Variants in PWP1 observed in about 807,000 individuals in gnomAD.
PWP1 encodes the protein PWP1 homolog, endonuclein.
In PWP1, 47 loss-of-function variants were observed where a neutral mutation model predicts 69.9. The ratio of observed to expected loss-of-function variants is 0.67; its 90% CI spans 0.53 to 0.86. The LOEUF is 0.86. PWP1 is among the 40% of genes least tolerant of loss of function. PWP1 has a pLI of 0.00. For missense variants in PWP1, 551 were observed against 608.8 expected, an observed-to-expected ratio of 0.91 and a Z score of 1.00; for synonymous variants, 222 against 208.2, an observed-to-expected ratio of 1.07 and a Z score of -0.57.
intron 11 of PWP1, among the ~76,000 whole-genome samples, chr12:107,705,268 A>C (rs192467464): frequency 2.6e-5 from 4 of 152,292 alleles, no homozygotes; most frequent in Non-Finnish European, 1.5e-5. Context: ...ATTTCAGTAC[A>C]TGTAAAAAGA....
chr12:107,708,684 T>C (rs1889876894), intron 11 of PWP1, among the ~76,000 whole-genome samples: 1 of 152,186 alleles, frequency 6.6e-6, no homozygotes. Flanking sequence ...CTTCTACTGC[T>C]CTAGCCCCAT....
chr12:107,708,985 TAC>T lies in PWP1; in HGVS notation c.1140_1141del (p.Leu381Ter). 1 of 1,613,962 alleles carries T rather than the reference TAC, an allele frequency of 6.2e-7. No homozygotes were observed. The highest frequency in any genetic ancestry group is 8.5e-7 in the Non-Finnish European group (1 of 1,179,910). ...LDARSDKPIF[T>X]LNAHNDEISG... ...ATGCACGTTCAGATAAGCCAATTTTTACACTTAATGCACACAATGATGAAATC... is the reference window on the plus strand; with the variant it reads ...ATGCACGTTCAGATAAGCCAATTTTTACTTAATGCACACAATGATGAAATC... On this transcript the variant is annotated frameshift_variant, in exon 12 of 15. Transcript: ENST00000412830. LOFTEE classifies it high-confidence loss of function.
At chr12:107,709,789 GAATA>G (rs912572809) in intron 13 of PWP1, among the ~76,000 whole-genome samples, 11 of 151,910 alleles carry the variant, frequency 7.2e-5, no homozygotes, top group African/African-American at 2.7e-4. Flanking sequence ...AATTGTGTAT[GAATA>G]AATATATATA....
At chr12:107,693,183 G>T (rs546529797) in intron 5 of PWP1, 87 bp downstream of exon 5, 2 of 1,488,788 alleles carry the variant, frequency 1.3e-6, no homozygotes, top group South Asian at 2.9e-5. Context: ...TTAGGTGCCA[G>T]ATCCTATTGT....
chr12:107,692,807 C>G lies in PWP1; in HGVS notation c.320-7C>G. Reference sequence around the variant, plus strand: ...TTATTATTGTAGTTTGTCAATTTTTCTTACAGATGCTGAGACTCTTGGTGA... The same window carrying G: ...TTATTATTGTAGTTTGTCAATTTTTGTTACAGATGCTGAGACTCTTGGTGA... On this transcript the variant is annotated splice_region_variant and splice_polypyrimidine_tract_variant and intron_variant, in intron 3 of 14. Transcript: ENST00000412830. The G allele has an allele frequency of 4.4e-6, 7 of 1,603,302 alleles. No individual in the cohort carries two copies. Among genetic ancestry groups the G allele is most frequent in the Non-Finnish European group, 6.0e-6 (7 of 1,174,522 alleles).
chr12:107,699,233 A>C, intron 7 of PWP1, 140 bp from the exon 8 acceptor site: 1 of 640,012 alleles, frequency 1.6e-6, no homozygotes, highest in Non-Finnish European at 2.7e-6. Flanking sequence ...CACTCTAGCC[A>C]GGGCAACAGA....
At chr12:107,691,765 A>G (rs1243357216) in intron 3 of PWP1, among the ~76,000 whole-genome samples, 1 of 151,996 alleles carries the variant, frequency 6.6e-6, no homozygotes, top group Non-Finnish European at 1.5e-5. Context: ...TCATTTATCC[A>G]TTTTTCCATC....
At chr12:107,710,552 TA>T (rs35371581) in intron 14 of PWP1, 42 bp downstream of exon 14, 222,042 of 1,123,030 alleles carry the variant, frequency 0.2, 2,800 homozygotes, top group East Asian at 0.33. Context: ...CCTGCCCCTG[TA>T]AAAAAAAAAA....
At chr12:107,706,218 ATCCT>A (rs1566082485) in intron 11 of PWP1, among the ~76,000 whole-genome samples, 1 of 152,184 alleles carries the variant, frequency 6.6e-6, no homozygotes. Flanking sequence ...GTCTATTCAT[ATCCT>A]TCGCCCACTT....
rs573376233 is a variant in PWP1 at position 107,713,097 on chromosome 12, C to T, written c.*877C>T. 11 of 152,280 alleles carry T rather than the reference C, an allele frequency of 7.2e-5. No individual in the cohort carries two copies. The highest frequency in any genetic ancestry group is 5.8e-4 in the East Asian group (3 of 5,182). 9.4% of individuals were successfully genotyped at this position (152,280 alleles called of 1,614,324 possible). A position where few individuals can be genotyped will look rare whatever the true frequency, so the allele number is the denominator to read the frequency against. On this transcript the variant is annotated 3_prime_UTR_variant, in exon 15 of 15. Transcript: ENST00000412830. ...CTGTGGAATGTCATTGGTGTAGCAA[C>T]GTGGGTTCACCAAAACACCTTTTTA...
chr12:107,688,887 G>C (rs942805776), intron 3 of PWP1, 85 bp downstream of exon 3: 5 of 1,347,580 alleles, frequency 3.7e-6, no homozygotes, highest in Non-Finnish European at 5.1e-6. Context: ...TTTACTCTTA[G>C]ATTTTATTGT....
chr12:107,699,434 G>T lies in PWP1; in HGVS notation c.806G>T (p.Arg269Ile). 1.2e-6 allele frequency: 2 copies of T among 1,609,584 alleles called. No homozygotes were observed. Among genetic ancestry groups the T allele is most frequent in the Non-Finnish European group, 1.7e-6 (2 of 1,176,088 alleles). The stretch of plus-strand genomic sequence containing the variant: ...GACCTTTCATGGAATAAGCTAATCA[G>T]GTAAAAAGAAATAACATTTGAATGA... ...VLDLSWNKLIRNVLASASADN... is the reference protein window; with the variant it reads ...VLDLSWNKLIINVLASASADN... The change falls in exon 8 of 15, where the codon AGA becomes ATA. Residue 269 changes from arginine to isoleucine, a missense_variant and splice_region_variant. Coordinates refer to ENST00000412830, the MANE Select transcript of PWP1 (RefSeq NM_007062.3).
At chr12:107,694,345 T>C (rs754767490) in intron 5 of PWP1, among the ~76,000 whole-genome samples, 1 of 152,222 alleles carries the variant, frequency 6.6e-6, no homozygotes, top group Non-Finnish European at 1.5e-5. Flanking sequence ...TGATAAGTCC[T>C]TTTGTTATAG....
chr12:107,703,008 A>T lies in PWP1; in HGVS notation c.880A>T (p.Ser294Cys). The T allele has an allele frequency of 6.2e-7, 1 of 1,607,794 alleles. No individual in the cohort carries two copies. The highest frequency in any genetic ancestry group is 1.1e-5 in the South Asian group (1 of 90,966). ...TATGTCCTTGGGGAAACCAGCAGCT[A>T]GCCTCGCTGTACACACAGACAAGGT... is the stretch of plus-strand genomic sequence containing the variant. Reference protein sequence around the residue: ...WDMSLGKPAASLAVHTDKVQT... With the variant: ...WDMSLGKPAACLAVHTDKVQT... Residue 294 changes from serine to cysteine, a missense_variant, in exon 9 of 15, where the codon AGC becomes TGC. Coordinates refer to ENST00000412830, the MANE Select transcript of PWP1 (RefSeq NM_007062.3).
At chr12:107,690,961 G>A (rs917759464) in intron 3 of PWP1, among the ~76,000 whole-genome samples, 4 of 152,228 alleles carry the variant, frequency 2.6e-5, no homozygotes, top group Non-Finnish European at 5.9e-5. Flanking sequence ...GACATGGTCT[G>A]TGTTGGGCAC....
rs1378229163 is a variant in PWP1, at chr12:107,685,906, C to T, written c.7C>T (p.Arg3Cys). The part of the protein sequence containing the change: MN[R>C]SRQVTCVAWV... The stretch of plus-strand genomic sequence containing the variant: ...CGCCCTTGACTTGAGGACCATGAAC[C>T]GCAGCCGCCAGGTGACGTGCGTGGC... The change falls in exon 1 of 15, where the codon CGC becomes TGC. Residue 3 changes from arginine to cysteine, a missense_variant. Physicochemically the swap from Arg to Cys is radical, Grantham distance 180. Transcript: ENST00000412830. The T allele has an allele frequency of 6.2e-7, 1 of 1,613,764 alleles. No individual in the cohort carries two copies. Among genetic ancestry groups the T allele is most frequent in the Non-Finnish European group, 8.5e-7 (1 of 1,179,954 alleles).
At chr12:107,691,821 C>G (rs1392480394) in intron 3 of PWP1, among the ~76,000 whole-genome samples, 1 of 152,096 alleles carries the variant, frequency 6.6e-6, no homozygotes, top group East Asian at 1.9e-4. Flanking sequence ...GCCATCTGTC[C>G]TATGGATTAC....
rs1243646875 is a variant in PWP1, at chr12:107,709,012, C to T, written c.1164C>T (p.Ile388=). Residue 388 remains isoleucine, a synonymous_variant, in exon 12 of 15, where the codon ATC becomes ATT. Transcript: ENST00000412830. ...IFTLNAHNDE[I]SGLDLSSQIK... ...CACTTAATGCACACAATGATGAAAT[C>T]TCTGGTGAGCAAGAGTAATGCTTCT... is the stretch of plus-strand genomic sequence containing the variant. 1.9e-6 allele frequency: 3 copies of T among 1,613,772 alleles called. No homozygotes were observed. The highest frequency in any genetic ancestry group is 2.5e-6 in the Non-Finnish European group (3 of 1,179,806).
At chr12:107,694,238 C>T in intron 5 of PWP1, among the ~76,000 whole-genome samples, 1 of 152,170 alleles carries the variant, frequency 6.6e-6, no homozygotes, top group South Asian at 2.1e-4. Context: ...CCACTGCGCT[C>T]ATATCCTCAG....
Sources: allele counts gnomAD v4.1 joint callset (sites outside exome capture counted in the v4.1 genomes callset), GRCh38; gene constraint gnomAD v4.1.1; transcripts MANE v1.5; gene names NCBI Gene and HGNC (gene_info 2026-07-23, HGNC 2026-07-21).